The following STARD13 variants were observed in gnomAD, a reference collection of about 807,000 sequenced individuals.
STARD13 encodes the protein StAR related lipid transfer domain containing 13, also known as stAR-related lipid transfer protein 13.
A neutral mutation model predicts 106.4 loss-of-function variants in STARD13; 62 were observed. The observed-to-expected ratio is 0.58, with a 90% confidence interval of 0.48 to 0.72. The LOEUF is 0.72. Among genes scored for constraint, STARD13 ranks in the 30% least tolerant of loss-of-function variants. The pLI is 0.00. For synonymous variants in STARD13, 565 were observed against 553.0 expected, an observed-to-expected ratio of 1.02 and a Z score of -0.31; for missense variants, 1,387 against 1,424.0, an observed-to-expected ratio of 0.97 and a Z score of 0.42.
intron 1 of STARD13, chr13:33,275,958 A>G (rs1250709402): frequency 1.3e-5 from 2 of 152,260 alleles, no homozygotes; most frequent in African/African-American, 4.8e-5. Context: ...AATTCCACTC[A>G]GTATTGGGAC....
the STARD13 span, chr13:33,610,955 A>C: frequency 1.1e-4 from 17 of 152,390 alleles, no homozygotes; most frequent in African/African-American, 3.8e-4. Context: ...CGAGATATCA[A>C]GATCCACAGG....
intron 1 of STARD13, among the ~76,000 whole-genome samples, chr13:33,196,366 C>G (rs182035372): frequency 4.6e-5 from 7 of 151,998 alleles, no homozygotes; most frequent in African/African-American, 7.3e-5. Context: ...GACAATGAAG[C>G]GAGACTCTGT....
the STARD13 span, among the ~76,000 whole-genome samples, chr13:33,506,864 C>A: frequency 6.6e-6 from 1 of 152,146 alleles, no homozygotes; most frequent in African/African-American, 2.4e-5. Context: ...GTAATTCTAG[C>A]AGTTTGAGAG....
intron 1 of STARD13, among the ~76,000 whole-genome samples, chr13:33,305,877 A>G (rs1180927205): frequency 6.6e-6 from 1 of 152,228 alleles, no homozygotes; most frequent in Non-Finnish European, 1.5e-5. Flanking sequence ...CTTCTAATCA[A>G]TATTGTGAAA....
chr13:33,167,896 G>A (rs1207021017), intron 1 of STARD13, among the ~76,000 whole-genome samples: 1 of 151,844 alleles, frequency 6.6e-6, no homozygotes, highest in Non-Finnish European at 1.5e-5. Flanking sequence ...GACAAAGGCT[G>A]AATTTCAGGC....
intron 1 of STARD13, among the ~76,000 whole-genome samples, chr13:33,304,901 T>C (rs1188275646): frequency 6.6e-6 from 1 of 152,220 alleles, no homozygotes; most frequent in African/African-American, 2.4e-5. Context: ...GGTTTGAGGC[T>C]GAGAATGCAA....
At chr13:33,541,949 C>CT in the STARD13 span, among the ~76,000 whole-genome samples, 2 of 152,162 alleles carry the variant, frequency 1.3e-5, no homozygotes, top group African/African-American at 4.8e-5. Context: ...CAAAATTTTT[C>CT]TTTGTAACAC....
the STARD13 span, among the ~76,000 whole-genome samples, chr13:33,537,745 G>A: frequency 6.6e-6 from 1 of 152,126 alleles, no homozygotes; most frequent in Non-Finnish European, 1.5e-5. Flanking sequence ...ATTTCTTCTT[G>A]CCTGACTAGA....
intron 1 of STARD13, among the ~76,000 whole-genome samples, chr13:33,266,586 T>G (rs1399581019): frequency 6.6e-6 from 1 of 152,204 alleles, no homozygotes; most frequent in African/African-American, 2.4e-5. Flanking sequence ...CAAGTCATAC[T>G]TTTCCACTCA....
intron 3 of STARD13, among the ~76,000 whole-genome samples, chr13:33,151,006 A>G (rs1471199618): frequency 1.3e-5 from 2 of 152,206 alleles, no homozygotes; most frequent in African/African-American, 2.4e-5. Flanking sequence ...GGATAGAAAC[A>G]TGATTAAAAA....
At position 33,112,793 on chromosome 13, in the gene STARD13, G is replaced by T; in HGVS notation, c.2420C>A (p.Pro807His). The change falls in exon 9 of 14, where the codon CCC becomes CAC. Residue 807 changes from proline (P) to histidine (H), a missense_variant. Transcript: ENST00000336934. ...GGCCAGACACACTGCCAGGTTCATGGGCGTCATCTGATTCTCTTCCACCAA... is the reference window on the plus strand; with the variant it reads ...GGCCAGACACACTGCCAGGTTCATGTGCGTCATCTGATTCTCTTCCACCAA... The part of the protein sequence containing the change: ...VNLVEENQMT[P>H]MNLAVCLAPS... 6.2e-7 allele frequency: 1 copy of T among 1,613,888 alleles called. No homozygotes were observed. Among genetic ancestry groups the T allele is most frequent in the Non-Finnish European group, 8.5e-7 (1 of 1,179,908 alleles).
At position 33,129,641 on chromosome 13, in the gene STARD13, G is replaced by T; in HGVS notation, c.1036C>A (p.Pro346Thr). Residue 346 changes from proline to threonine, a missense_variant, in exon 5 of 14, where the codon CCC becomes ACC. Pro to Thr is a conservative substitution (Grantham distance 38). Transcript: ENST00000336934. Reference sequence around the variant, plus strand: ...TGGCACTTGCGTTCCTTCAGGCAGGGCGTGCTCACCCCGCTGCTGCTGTGC... The same window carrying T: ...TGGCACTTGCGTTCCTTCAGGCAGGTCGTGCTCACCCCGCTGCTGCTGTGC... ...SEHSSSGVSTPCLKERKCHEA... is the reference protein window; with the variant it reads ...SEHSSSGVSTTCLKERKCHEA... The T allele has an allele frequency of 6.2e-7, 1 of 1,613,942 alleles. No homozygotes were observed. Among genetic ancestry groups the T allele is most frequent in the Non-Finnish European group, 8.5e-7 (1 of 1,180,036 alleles).
the STARD13 span, among the ~76,000 whole-genome samples, chr13:33,629,318 T>A: frequency 1.3e-5 from 2 of 152,244 alleles, no homozygotes; most frequent in South Asian, 2.1e-4. Context: ...ACACTATTAC[T>A]TAGACTGTCC....
intron 1 of STARD13, among the ~76,000 whole-genome samples, chr13:33,306,960 CAA>C (rs55804905): frequency 4.8e-5 from 7 of 145,864 alleles, no homozygotes; most frequent in South Asian, 2.2e-4. Context: ...AAAAAAGAAA[CAA>C]AAAAAAAAAG....
intron 1 of STARD13, among the ~76,000 whole-genome samples, chr13:33,211,833 G>GTGTGTA (rs1555248575): frequency 5.3e-4 from 80 of 150,688 alleles, no homozygotes; most frequent in African/African-American, 1.0e-3. Flanking sequence ...GTGTATGTGT[G>GTGTGTA]TGTGTGTGTG....
the STARD13 span, among the ~76,000 whole-genome samples, chr13:33,367,647 C>T: frequency 6.6e-6 from 1 of 151,522 alleles, no homozygotes; most frequent in Non-Finnish European, 1.5e-5. Context: ...TGCATTAAGC[C>T]GGTCTGTTTC....
chr13:33,663,408 G>A, the STARD13 span, among the ~76,000 whole-genome samples: 1 of 152,154 alleles, frequency 6.6e-6, no homozygotes. Context: ...GAAATGCTTA[G>A]CTGCTAGGGT....
intron 3 of STARD13, among the ~76,000 whole-genome samples, chr13:33,162,142 T>A (rs1254058405): frequency 6.6e-6 from 1 of 152,022 alleles, no homozygotes; most frequent in Non-Finnish European, 1.5e-5. Context: ...TTCCCAACAG[T>A]CCCCCAAAGT....
the STARD13 span, among the ~76,000 whole-genome samples, chr13:33,508,206 A>G: frequency 9.8e-5 from 15 of 152,330 alleles, no homozygotes; most frequent in Admixed American, 2.6e-4. Context: ...GGAAGCTGGC[A>G]TGTGTTGCAG....
Sources: allele counts gnomAD v4.1 joint callset (sites outside exome capture counted in the v4.1 genomes callset), GRCh38; gene constraint gnomAD v4.1.1; transcripts MANE v1.5; gene names NCBI Gene and HGNC (gene_info 2026-07-23, HGNC 2026-07-21).